Variants in DPP6 observed in about 807,000 individuals in gnomAD.
DPP6 encodes the protein dipeptidyl peptidase like 6, also known as A-type potassium channel modulatory protein DPP6.
In DPP6, 69 loss-of-function variants were observed where a neutral mutation model predicts 122.6. The observed-to-expected ratio is 0.56, with a 90% CI of 0.46 to 0.69. The LOEUF is 0.69. Among genes scored for constraint, DPP6 ranks in the 30% least tolerant of loss-of-function variants. The probability of loss-of-function intolerance (pLI) is 0.00; values close to 1 mark genes in which losing one functional copy is unlikely to be tolerated. For missense variants in DPP6, 928 were observed against 1,116.9 expected, an observed-to-expected ratio of 0.83 and a Z score of 2.41; for synonymous variants, 418 against 433.1, an observed-to-expected ratio of 0.97 and a Z score of 0.43.
At chr7:154,051,576 G>A (rs1410208034), upstream of DPP6, among the ~76,000 whole-genome samples, 2 of 147,138 alleles carry the variant, frequency 1.4e-5, no homozygotes, top group African/African-American at 2.5e-5. Context: ...GAGAGCGCGC[G>A]GCGAGTGGAG....
At chr7:153,895,155 A>G (rs544482908) in intron 1 of DPP6, among the ~76,000 whole-genome samples, 3 of 152,190 alleles carry the variant, frequency 2.0e-5, no homozygotes, top group Non-Finnish European at 4.4e-5. Context: ...AGAAAAAATT[A>G]ATCTTCTTGA....
intron 1 of DPP6, among the ~76,000 whole-genome samples, chr7:154,133,116 A>G (rs1795372086): frequency 6.6e-6 from 1 of 152,190 alleles, no homozygotes; most frequent in Non-Finnish European, 1.5e-5. Context: ...GGAATGTGTC[A>G]GAGGCCTTAG....
At chr7:154,379,364 G>C (rs911932787) in intron 1 of DPP6, among the ~76,000 whole-genome samples, 1 of 152,078 alleles carries the variant, frequency 6.6e-6, no homozygotes, top group Non-Finnish European at 1.5e-5. Flanking sequence ...GTCAGGTGGT[G>C]GGGGGCTGGG....
At chr7:154,655,737 A>C (rs574937305) in intron 6 of DPP6, among the ~76,000 whole-genome samples, 1 of 152,288 alleles carries the variant, frequency 6.6e-6, no homozygotes, top group South Asian at 2.1e-4. Context: ...GGGGCCAGGG[A>C]CTTCTCCCGC....
chr7:154,849,644 T>C (rs1802217789), intron 16 of DPP6, among the ~76,000 whole-genome samples: 1 of 152,236 alleles, frequency 6.6e-6, no homozygotes, highest in African/African-American at 2.4e-5. Context: ...CTTTACTATT[T>C]GGATGACTTT....
At chr7:154,463,239 G>A (rs1268403021) in intron 2 of DPP6, among the ~76,000 whole-genome samples, 3 of 112,040 alleles carry the variant, frequency 2.7e-5, no homozygotes, top group South Asian at 2.8e-4. Flanking sequence ...ACGGAGTCTC[G>A]CTCTGTCGCC....
intron 5 of DPP6, among the ~76,000 whole-genome samples, chr7:154,616,278 T>C (rs1388876157): frequency 3.9e-5 from 6 of 152,168 alleles, no homozygotes; most frequent in Admixed American, 2.0e-4. Flanking sequence ...CTAGAAACTG[T>C]AATTCAACAG....
At chr7:154,730,571 T>A (rs983013265) in intron 8 of DPP6, among the ~76,000 whole-genome samples, 2 of 152,204 alleles carry the variant, frequency 1.3e-5, no homozygotes, top group African/African-American at 4.8e-5. Context: ...TTAGTAGTAT[T>A]TTTATCACAA....
At chr7:154,493,313 G>C (rs565900608) in intron 3 of DPP6, among the ~76,000 whole-genome samples, 3 of 152,140 alleles carry the variant, frequency 2.0e-5, no homozygotes, top group Non-Finnish European at 4.4e-5. Context: ...AATGATGATA[G>C]GAAAGTCATT....
chr7:154,220,259 C>T (rs1487832612), intron 1 of DPP6, among the ~76,000 whole-genome samples: 1 of 152,172 alleles, frequency 6.6e-6, no homozygotes, highest in African/African-American at 2.4e-5. Flanking sequence ...CTGGCCCTTT[C>T]TGCTCTTCCA....
intron 3 of DPP6, among the ~76,000 whole-genome samples, chr7:154,533,554 A>G (rs1413694656): frequency 6.6e-6 from 1 of 152,220 alleles, no homozygotes; most frequent in East Asian, 1.9e-4. Context: ...CAGAAAATAG[A>G]ATAGAATGGA....
At chr7:154,358,864 C>T (rs1748435880) in intron 1 of DPP6, among the ~76,000 whole-genome samples, 1 of 152,112 alleles carries the variant, frequency 6.6e-6, no homozygotes, top group African/African-American at 2.4e-5. Flanking sequence ...CACCACCATG[C>T]CCGGCTAATT....
intron 1 of DPP6, among the ~76,000 whole-genome samples, chr7:154,028,647 G>A (rs12535037): frequency 0.041 from 5,969 of 147,196 alleles, 113 homozygotes; most frequent in African/African-American, 0.068. Flanking sequence ...ACAAAGCTGC[G>A]TTCCTCCTTT....
intron 6 of DPP6, among the ~76,000 whole-genome samples, chr7:154,646,490 T>C (rs1836491001): frequency 6.7e-6 from 1 of 150,186 alleles, no homozygotes; most frequent in Non-Finnish European, 1.5e-5. Context: ...CTTCTGACCC[T>C]TCAAGCCACA....
chr7:153,789,829 T>C, the DPP6 span, among the ~76,000 whole-genome samples: 1 of 152,182 alleles, frequency 6.6e-6, no homozygotes. Flanking sequence ...GGATGTTTAC[T>C]TTTAAAAGGA....
chr7:154,690,853 G>A (rs1296050035), intron 7 of DPP6, among the ~76,000 whole-genome samples: 1 of 152,128 alleles, frequency 6.6e-6, no homozygotes, highest in African/African-American at 2.4e-5. Context: ...CATGCAACAA[G>A]TCTTCAAGCA....
intron 1 of DPP6, among the ~76,000 whole-genome samples, chr7:154,041,725 A>G (rs1207716518): frequency 6.6e-6 from 1 of 151,694 alleles, no homozygotes; most frequent in East Asian, 1.9e-4. Context: ...ATCCTTGCAA[A>G]CACTGGCCCC....
At position 154,403,315 on chromosome 7, in the gene DPP6, C is replaced by T. The variant is rs959403744; in HGVS notation, c.244-42899C>T. 6.6e-6 allele frequency among the ~76,000 whole-genome samples: 1 copy of T among 152,134 alleles called. No individual in the cohort carries two copies. The highest frequency in any genetic ancestry group is 1.5e-5 in the Non-Finnish European group (1 of 68,020). ...ATAGAGTGCGGGGGAATCAGGACACCGCCCACCGCTGTCCAAATGCCAAGT... is the reference window on the plus strand; with the variant it reads ...ATAGAGTGCGGGGGAATCAGGACACTGCCCACCGCTGTCCAAATGCCAAGT... On this transcript the variant is annotated intron_variant, in intron 1 of 25. Transcript: ENST00000377770. This position sits in a 1 kb window ranked among gnomAD's most constrained non-coding sequence, Gnocchi z 4.1.
chr7:154,388,669 G>C (rs906250479), intron 1 of DPP6, among the ~76,000 whole-genome samples: 1 of 152,138 alleles, frequency 6.6e-6, no homozygotes, highest in Non-Finnish European at 1.5e-5. Context: ...ATGTCTAACA[G>C]GAGCTGGAGG....
Sources: allele counts gnomAD v4.1 joint callset (sites outside exome capture counted in the v4.1 genomes callset), GRCh38; gene constraint gnomAD v4.1.1; non-coding constraint Gnocchi (gnomAD v3.1); transcripts MANE v1.5; gene names NCBI Gene and HGNC (gene_info 2026-07-23, HGNC 2026-07-21).